Variants in MTCL1 observed in about 807,000 individuals in gnomAD.
The protein encoded by MTCL1 is microtubule cross-linking factor 1.
In MTCL1, 79 loss-of-function variants were observed where a neutral mutation model predicts 141.4. The observed-to-expected ratio is 0.56, with a 90% CI of 0.47 to 0.67. MTCL1 has a LOEUF of 0.67. Ranked by LOEUF, MTCL1 falls within the 30% of genes least tolerant of loss-of-function variation. The probability of loss-of-function intolerance (pLI) is 0.00; values close to 1 mark genes in which losing one functional copy is unlikely to be tolerated. For missense variants in MTCL1, 2,177 were observed against 2,113.9 expected, an observed-to-expected ratio of 1.03 and a Z score of -0.59; for synonymous variants, 914 against 875.8, an observed-to-expected ratio of 1.04 and a Z score of -0.77.
rs949836769 is a variant in MTCL1, at chr18:8,712,094, T to TA, written c.1053+5382dup. Among the ~76,000 whole-genome samples the TA allele has an allele frequency of 5.3e-5, 8 of 152,236 alleles. No homozygotes were observed. The South Asian group carries it at 6.2e-4, about 12-fold the overall frequency. ...ACCCCACACCTCCCCCACCCCCAAA[T>TA]AGTGTCCTCTTGCCATGCTGACCTC... On this transcript the variant is annotated intron_variant, in intron 1 of 13. Coordinates refer to the MTCL1 transcript ENST00000306329.
chr18:8,736,809 T>G (rs573315665), intron 4 of MTCL1, among the ~76,000 whole-genome samples: 1 of 151,938 alleles, frequency 6.6e-6, no homozygotes, highest in Non-Finnish European at 1.5e-5. Context: ...GGCTAATTTT[T>G]TTGTAGTTTT....
At position 8,706,720 on chromosome 18, in the gene MTCL1, C is replaced by G; in HGVS notation, c.1053+7C>G. Reference sequence around the variant, plus strand: ...GGAGAACGACTATCTCAAGGTGAGCCGCGCCTCGGCCGCAGGTGTCCCGGG... The same window carrying G: ...GGAGAACGACTATCTCAAGGTGAGCGGCGCCTCGGCCGCAGGTGTCCCGGG... On this transcript the variant is annotated splice_region_variant and intron_variant, in intron 1 of 13. Transcript: ENST00000306329. 2 of 1,544,770 alleles carry G rather than the reference C, an allele frequency of 1.3e-6. No individual in the cohort carries two copies. The highest frequency in any genetic ancestry group is 1.7e-6 in the Non-Finnish European group (2 of 1,146,002).
At chr18:8,786,398 T>G in intron 7 of MTCL1, 1 of 592,952 alleles carries the variant, frequency 1.7e-6, no homozygotes, top group South Asian at 1.5e-5. Flanking sequence ...GCGCAGTGGC[T>G]TCTTGTCCAG....
At chr18:8,803,715 C>T (rs1209810064) in intron 10 of MTCL1, among the ~76,000 whole-genome samples, 3 of 152,220 alleles carry the variant, frequency 2.0e-5, no homozygotes, top group Non-Finnish European at 4.4e-5. Flanking sequence ...GGAGCTCATT[C>T]CGCAATGATT....
At chr18:8,807,093 C>T in intron 11 of MTCL1, 33 bp downstream of exon 10, 1 of 1,591,256 alleles carries the variant, frequency 6.3e-7, no homozygotes, top group Non-Finnish European at 8.6e-7. Flanking sequence ...TCGATCCTGA[C>T]TGTGTGTCTC....
chr18:8,741,749 G>C (rs1292156356), intron 4 of MTCL1, among the ~76,000 whole-genome samples: 1 of 152,216 alleles, frequency 6.6e-6, no homozygotes, highest in African/African-American at 2.4e-5. Context: ...TTATTTCTCA[G>C]TGGACTTGGT....
intron 13 of MTCL1, 145 bp from the exon 13 acceptor site, chr18:8,821,322 G>C (rs547900328): frequency 2.5e-4 from 143 of 580,436 alleles, no homozygotes; most frequent in Middle Eastern, 1.1e-3. Flanking sequence ...CAGGGCAGTA[G>C]CACTCCTAAC....
chr18:8,742,457 C>T (rs1293515264), intron 4 of MTCL1, among the ~76,000 whole-genome samples: 4 of 152,186 alleles, frequency 2.6e-5, no homozygotes, highest in Admixed American at 6.5e-5. Flanking sequence ...GAAGGGGAGG[C>T]AAGTCCTTCT....
At chr18:8,786,026 C>T in exon 7 of MTCL1, 9 of 1,606,716 alleles carry the variant, frequency 5.6e-6, no homozygotes, top group Non-Finnish European at 7.6e-6. Flanking sequence ...GCGGGAGCTG[C>T]ACCGCCGCGC....
chr18:8,784,073 G>A, exon 6 of MTCL1: 1 of 1,613,406 alleles, frequency 6.2e-7, no homozygotes, highest in Non-Finnish European at 8.5e-7. Context: ...GGGCTGGCTA[G>A]GAGAGGGTGC....
chr18:8,776,722 GTTATTTATTTAT>G (rs140591538), intron 4 of MTCL1, among the ~76,000 whole-genome samples: 20,321 of 142,676 alleles, frequency 0.14, 1,534 homozygotes, highest in Middle Eastern at 0.21. Context: ...GGAAACACTA[GTTATTTATTTAT>G]TTATTTATTT....
chr18:8,772,292 G>C (rs1488230443), intron 4 of MTCL1, among the ~76,000 whole-genome samples: 1 of 152,204 alleles, frequency 6.6e-6, no homozygotes, highest in Non-Finnish European at 1.5e-5. Flanking sequence ...AACAATATCA[G>C]CTTGTGGGAA....
intron 8 of MTCL1, among the ~76,000 whole-genome samples, chr18:8,795,354 G>A (rs117893732): frequency 5.7e-4 from 87 of 152,298 alleles, no homozygotes; most frequent in East Asian, 3.3e-3. Context: ...GCTGGCATTC[G>A]AACCTTTTAT....
rs568308146 is a variant in MTCL1 at position 8,778,366 on chromosome 18, C to T, written c.417+474C>T. ...ATATTCTCAGCCTTTTCTAGATGCACAGTATGTATTCTTCAAAACTTTCTT... is the reference window on the plus strand; with the variant it reads ...ATATTCTCAGCCTTTTCTAGATGCATAGTATGTATTCTTCAAAACTTTCTT... On this transcript the variant is annotated intron_variant, in intron 5 of 16. Coordinates refer to ENST00000359865, the Ensembl canonical transcript of MTCL1. 1.5e-4 allele frequency among the ~76,000 whole-genome samples: 23 copies of T among 152,340 alleles called. No individual in the cohort carries two copies. The South Asian group carries it at 2.9e-3, about 19-fold the overall frequency.
intron 4 of MTCL1, among the ~76,000 whole-genome samples, chr18:8,737,719 TG>T (rs1022880875): frequency 6.6e-6 from 1 of 152,158 alleles, no homozygotes; most frequent in African/African-American, 2.4e-5. Flanking sequence ...GACATACCCA[TG>T]GGGGGAAAGT....
intron 4 of MTCL1, among the ~76,000 whole-genome samples, chr18:8,727,335 G>A (rs1471280447): frequency 1.3e-5 from 2 of 152,078 alleles, no homozygotes; most frequent in Non-Finnish European, 2.9e-5. Context: ...GGGTTGAATG[G>A]TAGTTCTATT....
intron 4 of MTCL1, among the ~76,000 whole-genome samples, chr18:8,758,587 A>G (rs2096414462): frequency 6.6e-6 from 1 of 152,220 alleles, no homozygotes; most frequent in Non-Finnish European, 1.5e-5. Flanking sequence ...GATTCTAGGT[A>G]GGCTCCAGAA....
intron 8 of MTCL1, 48 bp from the exon 8 acceptor site, chr18:8,796,184 C>T (rs77327266): frequency 1.6e-5 from 26 of 1,591,064 alleles, no homozygotes; most frequent in South Asian, 2.2e-5. Context: ...GTTTGGGTGG[C>T]GGATTGGATT....
rs138071781 is a variant in MTCL1, at chr18:8,830,699, T to C, written c.*19-908T>C. On this transcript the variant is annotated intron_variant, in intron 16 of 16. Transcript: ENST00000359865. The surrounding 1 kb of genome is among the most constrained non-coding windows in gnomAD (Gnocchi z 6.4). ...ACCTCAAGCTTCCAGTGTCTGAGTG[T>C]CATTCCAGCCAGCGGGCTCCATGCT... is the stretch of plus-strand genomic sequence containing the variant. The C allele has an allele frequency of 2.1e-5, 21 of 985,492 alleles. No individual in the cohort carries two copies. In the East Asian group the frequency reaches 2.3e-3, roughly 106 times the overall value. The allele number at this position is 985,492 out of a possible 1,614,324, so 61.0% of individuals were successfully genotyped here.
Sources: gnomAD v4.1 joint callset for allele counts (sites outside exome capture counted in the v4.1 genomes callset) on GRCh38, gnomAD v4.1.1 for gene constraint, Gnocchi (gnomAD v3.1) non-coding constraint, MANE v1.5 for transcripts, NCBI Gene and HGNC (gene_info 2026-07-23, HGNC 2026-07-21) for gene names.